The following RABGAP1L variants were observed in gnomAD, a reference collection of about 807,000 sequenced individuals.
RABGAP1L encodes RAB GTPase activating protein 1 like.
In RABGAP1L, 63 loss-of-function variants were observed where a neutral mutation model predicts 137.7. The observed-to-expected ratio is 0.46, with a 90% CI of 0.37 to 0.56. RABGAP1L has a LOEUF of 0.56. RABGAP1L is among the 20% of genes least tolerant of loss of function. RABGAP1L has a pLI of 0.00. For missense variants in RABGAP1L, 1,095 were observed against 1,244.0 expected, an observed-to-expected ratio of 0.88 and a Z score of 1.80; for synonymous variants, 431 against 433.7, an observed-to-expected ratio of 0.99 and a Z score of 0.08.
intron 13 of RABGAP1L, among the ~76,000 whole-genome samples, chr1:174,515,784 A>G (rs10912801): frequency 0.052 from 7,887 of 152,212 alleles, 665 homozygotes; most frequent in African/African-American, 0.18. Flanking sequence ...TACTATAAAT[A>G]GAAATAGTCC....
chr1:174,833,663 T>G (rs1054031082), intron 19 of RABGAP1L, among the ~76,000 whole-genome samples: 1 of 151,222 alleles, frequency 6.6e-6, no homozygotes, highest in East Asian at 1.9e-4. Context: ...TACCACTTAT[T>G]ATGTACCCAC....
intron 13 of RABGAP1L, among the ~76,000 whole-genome samples, chr1:174,449,540 G>A (rs1655194724): frequency 6.6e-6 from 1 of 152,234 alleles, no homozygotes; most frequent in South Asian, 2.1e-4. Flanking sequence ...ACTGTACCCT[G>A]CCTCTGTCTT....
At chr1:174,523,089 T>C (rs1663569910) in intron 13 of RABGAP1L, among the ~76,000 whole-genome samples, 1 of 152,192 alleles carries the variant, frequency 6.6e-6, no homozygotes, top group Admixed American at 6.5e-5. Flanking sequence ...AGCATATTGG[T>C]AATCAAGTAT....
intron 19 of RABGAP1L, among the ~76,000 whole-genome samples, chr1:174,859,850 T>TA (rs11377354): frequency 0.36 from 53,425 of 150,202 alleles, 11,903 homozygotes; most frequent in African/African-American, 0.64. Flanking sequence ...ACTTAAAAGT[T>TA]AAAAAAAAAT....
chr1:174,925,103 T>C (rs1021823818), intron 19 of RABGAP1L, among the ~76,000 whole-genome samples: 2 of 152,092 alleles, frequency 1.3e-5, no homozygotes, highest in African/African-American at 2.4e-5. Context: ...TGGTGGCTCA[T>C]GCCTGTAATC....
chr1:174,182,330 G>A (rs1666442689), intron 1 of RABGAP1L, among the ~76,000 whole-genome samples: 1 of 152,222 alleles, frequency 6.6e-6, no homozygotes. Flanking sequence ...TTGGTTGAGA[G>A]AAAGTTAGTA....
At chr1:174,608,255 C>T (rs1670934059) in intron 13 of RABGAP1L, among the ~76,000 whole-genome samples, 1 of 152,036 alleles carries the variant, frequency 6.6e-6, no homozygotes, top group Non-Finnish European at 1.5e-5. Context: ...TTTCTTCTTT[C>T]TATCATATGG....
chr1:174,965,440 C>T (rs928038922), intron 20 of RABGAP1L, among the ~76,000 whole-genome samples: 5 of 152,166 alleles, frequency 3.3e-5, no homozygotes, highest in African/African-American at 1.2e-4. Flanking sequence ...CTGCCTTTTC[C>T]AAGACCATCA....
At chr1:174,748,691 T>C (rs1297703113) in intron 17 of RABGAP1L, among the ~76,000 whole-genome samples, 2 of 151,066 alleles carry the variant, frequency 1.3e-5, no homozygotes, top group Non-Finnish European at 3.0e-5. Flanking sequence ...GGCAATATAG[T>C]GAAACCCTCT....
chr1:174,451,943 G>A (rs1655499196), intron 13 of RABGAP1L, among the ~76,000 whole-genome samples: 1 of 152,046 alleles, frequency 6.6e-6, no homozygotes, highest in South Asian at 2.1e-4. Context: ...GTTTTGAAGA[G>A]GAAGAGTGAA....
At chr1:174,270,644 C>A (rs760316579) in intron 7 of RABGAP1L, among the ~76,000 whole-genome samples, 2 of 151,568 alleles carry the variant, frequency 1.3e-5, no homozygotes, top group African/African-American at 4.9e-5. Flanking sequence ...ATAAAAAAAT[C>A]CTTTAAATTT....
At chr1:174,652,243 A>G (rs1052304527) in intron 14 of RABGAP1L, among the ~76,000 whole-genome samples, 11 of 151,980 alleles carry the variant, frequency 7.2e-5, no homozygotes, top group African/African-American at 2.4e-4. Flanking sequence ...GGGTATCCCT[A>G]CCTTTCTCTC....
chr1:174,349,227 G>A (rs1356701366), intron 11 of RABGAP1L, among the ~76,000 whole-genome samples: 1 of 139,982 alleles, frequency 7.1e-6, no homozygotes, highest in Non-Finnish European at 1.6e-5. Context: ...CGGGCGGGGG[G>A]GCTGACCCCT....
At chr1:174,241,149 G>A (rs1293088639) in intron 4 of RABGAP1L, among the ~76,000 whole-genome samples, 1 of 152,082 alleles carries the variant, frequency 6.6e-6, no homozygotes, top group Non-Finnish European at 1.5e-5. Context: ...GCAAAACCCT[G>A]TCTCTACAAG....
intron 11 of RABGAP1L, among the ~76,000 whole-genome samples, chr1:174,351,086 G>GGGGGAGGGGGAGGGGA (rs1683138483): frequency 7.8e-6 from 1 of 127,874 alleles, no homozygotes; most frequent in African/African-American, 3.3e-5. Flanking sequence ...GGGGGAGGGG[G>GGGGGAGGGGGAGGGGA]AGGGGGAGGG....
chr1:174,941,344 A>T (rs1161925330), intron 19 of RABGAP1L, among the ~76,000 whole-genome samples: 1 of 152,226 alleles, frequency 6.6e-6, no homozygotes, highest in Non-Finnish European at 1.5e-5. Flanking sequence ...AAATACCCTA[A>T]TGAGGAGATA....
intron 13 of RABGAP1L, among the ~76,000 whole-genome samples, chr1:174,475,101 A>G (rs1658366254): frequency 6.6e-6 from 1 of 152,160 alleles, no homozygotes; most frequent in Non-Finnish European, 1.5e-5. Flanking sequence ...AGCAGGTGTG[A>G]TGAACCTACT....
intron 20 of RABGAP1L, among the ~76,000 whole-genome samples, chr1:174,965,666 C>A (rs1352972817): frequency 1.3e-5 from 2 of 152,138 alleles, no homozygotes; most frequent in Admixed American, 1.3e-4. Context: ...TAGCACTCAC[C>A]CTGGGTTCAT....
chr1:174,770,861 T>C (rs1223642695), intron 18 of RABGAP1L, among the ~76,000 whole-genome samples: 1 of 152,222 alleles, frequency 6.6e-6, no homozygotes, highest in East Asian at 1.9e-4. Context: ...ATATTCACTA[T>C]TGACAGTCCC....
Sources: allele counts gnomAD v4.1 joint callset (sites outside exome capture counted in the v4.1 genomes callset), GRCh38; gene constraint gnomAD v4.1.1; transcripts MANE v1.5; gene names NCBI Gene and HGNC (gene_info 2026-07-23, HGNC 2026-07-21).